RBFOX1: variants seen among roughly 807,000 people sequenced by gnomAD.
RBFOX1 encodes the protein RNA binding fox-1 homolog 1.
In RBFOX1, 8 loss-of-function variants were observed where a neutral mutation model predicts 57.7. The observed-to-expected ratio is 0.14, with a 90% CI of 0.08 to 0.25. The LOEUF (loss-of-function observed/expected upper bound fraction) is 0.25, where lower values mean the gene tolerates loss of function less well. Ranked by LOEUF, RBFOX1 falls within the 10% of genes least tolerant of loss-of-function variation. RBFOX1 has a pLI of 1.00. For missense variants in RBFOX1, 611 were observed against 548.5 expected, an observed-to-expected ratio of 1.11 and a Z score of -1.14; for synonymous variants, 326 against 222.4, an observed-to-expected ratio of 1.47 and a Z score of -4.15.
At chr16:6,777,551 T>C (rs781431285) in intron 3 of RBFOX1, among the ~76,000 whole-genome samples, 4 of 152,138 alleles carry the variant, frequency 2.6e-5, no homozygotes, top group Non-Finnish European at 4.4e-5. Flanking sequence ...CTTTAGACCT[T>C]GCAGGCCTGT....
intron 3 of RBFOX1, among the ~76,000 whole-genome samples, chr16:6,917,345 A>G (rs376361170): frequency 4.0e-4 from 61 of 152,244 alleles, no homozygotes; most frequent in African/African-American, 1.4e-3. Context: ...TGGTGAAATC[A>G]GTATATGGGA....
Position 6,193,917 on chromosome 16 carries a change from C to A in RBFOX1, c.-126-123078C>A, listed in dbSNP as rs765227395. Among the ~76,000 whole-genome samples, 8 of 152,222 alleles carry A rather than the reference C, an allele frequency of 5.3e-5. No homozygotes were observed. The Middle Eastern group carries it at 0.014, about 259-fold the overall frequency. ...TCATCTTCCTGTGTTCACACCTAAG[C>A]GAAGTTGCTCTCCAAGGTTCTGACC... On this transcript the variant is annotated intron_variant, in intron 1 of 15. Transcript: ENST00000550418.
At chr16:7,452,600 A>G (rs1385112206) in intron 4 of RBFOX1, among the ~76,000 whole-genome samples, 2 of 152,210 alleles carry the variant, frequency 1.3e-5, no homozygotes, top group South Asian at 2.1e-4. Flanking sequence ...TTATTCATGC[A>G]TGAAATGTAT....
Position 5,379,027 on chromosome 16 carries a change from T to A in RBFOX1, c.220-88189T>A, listed in dbSNP as rs557537307. On this transcript the variant is annotated intron_variant, in intron 1 of 2. Transcript: ENST00000585867. ...CCCCTCACAGTTTTCCACCAATGTA[T>A]TAGGTTGGCACAAAAGTAATTGCAG... 1.1e-4 allele frequency among the ~76,000 whole-genome samples: 17 copies of A among 151,582 alleles called. 1 individual carries two copies. Among genetic ancestry groups the A allele is most frequent in the African/African-American group, 4.2e-4 (17 of 40,900 alleles).
chr16:6,871,942 TGTGTGTG>T (rs2060974846), intron 3 of RBFOX1, among the ~76,000 whole-genome samples: 3 of 150,724 alleles, frequency 2.0e-5, no homozygotes, highest in Admixed American at 2.0e-4. Flanking sequence ...TGTGTGTGTG[TGTGTGTG>T]TGTGTGTGTG....
At chr16:5,542,244 A>ATTTT (rs5815254) in intron 2 of RBFOX1, among the ~76,000 whole-genome samples, 4 of 122,564 alleles carry the variant, frequency 3.3e-5, no homozygotes, top group East Asian at 2.4e-4. Context: ...ACAGGTATTG[A>ATTTT]TTTTTTTTTT....
chr16:6,919,195 C>A (rs1261233290), intron 3 of RBFOX1, among the ~76,000 whole-genome samples: 1 of 152,038 alleles, frequency 6.6e-6, no homozygotes, highest in Non-Finnish European at 1.5e-5. Context: ...GTTGGCCAGG[C>A]TGGTCTTGAA....
intron 3 of RBFOX1, among the ~76,000 whole-genome samples, chr16:6,870,874 T>C (rs376789467): frequency 6.6e-6 from 1 of 152,190 alleles, no homozygotes; most frequent in South Asian, 2.1e-4. Context: ...GCCCTAACTT[T>C]GAGAGACTTG....
At chr16:5,252,436 C>G (rs1212616354) in intron 1 of RBFOX1, among the ~76,000 whole-genome samples, 2 of 152,200 alleles carry the variant, frequency 1.3e-5, no homozygotes, top group Non-Finnish European at 2.9e-5. Context: ...TTTTCACTTG[C>G]TACGTATGAG....
chr16:7,597,293 C>T (rs1053666379), intron 8 of RBFOX1, 78 bp from the exon 9 acceptor site: 30 of 1,028,158 alleles, frequency 2.9e-5, no homozygotes, highest in African/African-American at 1.8e-4. Flanking sequence ...TAAGTAATCA[C>T]GGTCATAATG....
chr16:5,758,008 C>G (rs2053460566), intron 3 of RBFOX1, among the ~76,000 whole-genome samples: 1 of 152,148 alleles, frequency 6.6e-6, no homozygotes, highest in Non-Finnish European at 1.5e-5. Flanking sequence ...CACTGAGCTT[C>G]CCAGAAAAAC....
chr16:6,209,861 A>G (rs577886403), intron 1 of RBFOX1, among the ~76,000 whole-genome samples: 13 of 152,378 alleles, frequency 8.5e-5, no homozygotes, highest in African/African-American at 2.2e-4. Context: ...ATGAAGGTCT[A>G]TGCTCAGTTT....
intron 2 of RBFOX1, among the ~76,000 whole-genome samples, chr16:6,612,501 G>A (rs2098076128): frequency 6.6e-6 from 1 of 152,144 alleles, no homozygotes; most frequent in Non-Finnish European, 1.5e-5. Flanking sequence ...CAAGGCAGTT[G>A]GAATTGGATG....
At chr16:6,981,149 A>C (rs1027876067) in intron 3 of RBFOX1, among the ~76,000 whole-genome samples, 2 of 151,368 alleles carry the variant, frequency 1.3e-5, no homozygotes, top group Admixed American at 1.3e-4. Flanking sequence ...TTACAGGTAC[A>C]CTTGCAGGTT....
intron 3 of RBFOX1, among the ~76,000 whole-genome samples, chr16:5,716,718 G>C (rs1158338174): frequency 6.6e-6 from 1 of 152,228 alleles, no homozygotes; most frequent in South Asian, 2.1e-4. Context: ...GTGAGCATAG[G>C]TGTCCATGTG....
intron 3 of RBFOX1, among the ~76,000 whole-genome samples, chr16:7,021,185 A>G (rs969907812): frequency 5.9e-5 from 9 of 151,800 alleles, no homozygotes; most frequent in Non-Finnish European, 8.8e-5. Flanking sequence ...GACAAGGGAA[A>G]CTTGTCTCTT....
intron 3 of RBFOX1, among the ~76,000 whole-genome samples, chr16:7,046,470 T>C (rs1281212779): frequency 6.6e-6 from 1 of 152,186 alleles, no homozygotes; most frequent in East Asian, 1.9e-4. Context: ...AATTTATACA[T>C]ACATTAAAAT....
At chr16:6,346,154 T>G (rs1461619306) in intron 2 of RBFOX1, among the ~76,000 whole-genome samples, 1 of 152,170 alleles carries the variant, frequency 6.6e-6, no homozygotes, top group East Asian at 1.9e-4. Context: ...AGCTTAGTAA[T>G]TTGGGGGGCC....
intron 3 of RBFOX1, among the ~76,000 whole-genome samples, chr16:6,787,186 G>A (rs62016111): frequency 6.6e-6 from 1 of 151,950 alleles, no homozygotes; most frequent in Non-Finnish European, 1.5e-5. Flanking sequence ...AGTGAAGGTC[G>A]TATGTGGCAC....
Sources: allele counts gnomAD v4.1 joint callset (sites outside exome capture counted in the v4.1 genomes callset), GRCh38; gene constraint gnomAD v4.1.1; transcripts MANE v1.5; gene names NCBI Gene and HGNC (gene_info 2026-07-23, HGNC 2026-07-21).